The following LONP2 variants were observed in gnomAD, a reference collection of about 807,000 sequenced individuals.
The protein encoded by LONP2 is lon peptidase 2, peroxisomal.
LONP2 carries 60 observed loss-of-function variants against 85.6 expected under a neutral mutation model. The observed-to-expected ratio is 0.70, with a 90% CI of 0.57 to 0.87. The LOEUF (loss-of-function observed/expected upper bound fraction) is 0.87. Among genes scored for constraint, LONP2 ranks in the 40% least tolerant of loss-of-function variants. The pLI is 0.00. For synonymous variants in LONP2, 395 were observed against 389.7 expected (o/e 1.01, Z -0.16); for missense variants, 860 against 1,063.5 (o/e 0.81, Z 2.66).
chr16:48,288,466 A>G (rs529277635), intron 8 of LONP2, among the ~76,000 whole-genome samples: 1 of 152,202 alleles, frequency 6.6e-6, no homozygotes, highest in East Asian at 1.9e-4. Flanking sequence ...ATGTATTAGA[A>G]TGTATTTCTT....
At chr16:48,278,322 C>T (rs1470810890) in intron 8 of LONP2, among the ~76,000 whole-genome samples, 3 of 152,072 alleles carry the variant, frequency 2.0e-5, no homozygotes, top group Non-Finnish European at 4.4e-5. Flanking sequence ...TTTTGACATC[C>T]GGTTTTATGG....
At chr16:48,253,372 A>T (rs936221587) in intron 2 of LONP2, among the ~76,000 whole-genome samples, 1 of 151,922 alleles carries the variant, frequency 6.6e-6, no homozygotes, top group African/African-American at 2.4e-5. Flanking sequence ...GGGGAGGCTG[A>T]GGTGGGAGGA....
At chr16:48,244,663 C>G (rs980693453) in intron 1 of LONP2, 42 bp downstream of exon 1, 5 of 1,297,300 alleles carry the variant, frequency 3.9e-6, no homozygotes, top group Non-Finnish European at 4.9e-6. Flanking sequence ...GCGGCGCGGC[C>G]TCCTCCGGGG....
intron 11 of LONP2, among the ~76,000 whole-genome samples, chr16:48,326,723 C>A (rs1442048205): frequency 6.6e-6 from 1 of 152,110 alleles, no homozygotes; most frequent in Non-Finnish European, 1.5e-5. Context: ...CAGCAAGGAA[C>A]TTTTTTATTT....
chr16:48,319,356 T>A (rs1973214769), intron 11 of LONP2, among the ~76,000 whole-genome samples: 1 of 152,032 alleles, frequency 6.6e-6, no homozygotes. Context: ...CACTCTAGCC[T>A]GGATGACAGA....
At chr16:48,256,860 T>C in intron 3 of LONP2, 119 bp downstream of exon 3, 2 of 877,494 alleles carry the variant, frequency 2.3e-6, no homozygotes, top group Admixed American at 5.4e-5. Flanking sequence ...GTAATTGAAA[T>C]GCTTTTACAT....
At chr16:48,298,832 TA>T (rs1430679508) in intron 9 of LONP2, among the ~76,000 whole-genome samples, 1 of 152,178 alleles carries the variant, frequency 6.6e-6, no homozygotes, top group Non-Finnish European at 1.5e-5. Context: ...CTGTGCTTAG[TA>T]AATGCTTGTT....
chr16:48,273,311 G>C (rs1476063118), intron 7 of LONP2, among the ~76,000 whole-genome samples: 1 of 152,110 alleles, frequency 6.6e-6, no homozygotes, highest in Non-Finnish European at 1.5e-5. Flanking sequence ...CGATAAGTTG[G>C]GGATTGATTT....
intron 9 of LONP2, 55 bp downstream of exon 9, chr16:48,296,220 A>C (rs780507561): frequency 5.1e-6 from 8 of 1,561,492 alleles, no homozygotes; most frequent in Non-Finnish European, 7.0e-6. Flanking sequence ...CATAACTTTA[A>C]AATTAGTTAT....
chr16:48,351,498 A>G, intron 14 of LONP2, 83 bp from the exon 15 acceptor site: 1 of 1,063,678 alleles, frequency 9.4e-7, no homozygotes, highest in Non-Finnish European at 1.4e-6. Flanking sequence ...TAGTGGTTAA[A>G]TTCAGTGAAA....
intron 6 of LONP2, among the ~76,000 whole-genome samples, chr16:48,263,628 C>T (rs998759838): frequency 1.9e-4 from 29 of 152,084 alleles, no homozygotes; most frequent in Admixed American, 1.3e-4. Flanking sequence ...CAGTTATTTC[C>T]GTATCTTGGC....
chr16:48,360,140 G>A (rs1960523549), downstream of LONP2, among the ~76,000 whole-genome samples: 1 of 152,236 alleles, frequency 6.6e-6, no homozygotes, highest in Non-Finnish European at 1.5e-5. Context: ...GGAAACTGGG[G>A]CCCAAGGTCA....
chr16:48,358,408 T>A (rs1330861685), downstream of LONP2, among the ~76,000 whole-genome samples: 1 of 152,104 alleles, frequency 6.6e-6, no homozygotes, highest in Non-Finnish European at 1.5e-5. Context: ...TTACAGTGAA[T>A]CCTCAAACTA....
chr16:48,317,317 AT>A (rs921381711), intron 11 of LONP2, among the ~76,000 whole-genome samples: 2 of 152,190 alleles, frequency 1.3e-5, no homozygotes, highest in African/African-American at 4.8e-5. Context: ...GATTTTGCCA[AT>A]GAAGTCCCAG....
At chr16:48,324,418 C>T (rs1008271108) in intron 11 of LONP2, among the ~76,000 whole-genome samples, 2 of 152,214 alleles carry the variant, frequency 1.3e-5, no homozygotes, top group African/African-American at 4.8e-5. Context: ...TCCCCAGTAA[C>T]ACACTTCTTG....
In LONP2 at chr16:48,270,139, C is replaced by G. The variant is rs1205324637; in HGVS notation, c.1106C>G (p.Pro369Arg). 1 of 1,614,008 alleles carries G rather than the reference C, an allele frequency of 6.2e-7. No individual in the cohort carries two copies. Among genetic ancestry groups the G allele is most frequent in the Non-Finnish European group, 8.5e-7 (1 of 1,179,986 alleles). ...VRQLKNNLKG[P>R]ILCFVGPPGV... is the part of the protein sequence containing the mutation. Reference sequence around the variant, plus strand: ...CAGCTCAAAAATAACCTGAAGGGCCCAATCCTATGCTTTGTTGGCCCTCCT... The same window carrying G: ...CAGCTCAAAAATAACCTGAAGGGCCGAATCCTATGCTTTGTTGGCCCTCCT... Residue 369 changes from proline to arginine, a missense_variant, in exon 7 of 15, where the codon CCA (proline) becomes CGA (arginine). Pro to Arg is a moderately radical substitution (Grantham distance 103). This residue lies in a region of LONP2 where 743 missense variants were observed against 917.3 expected (regional missense o/e 0.81). Coordinates refer to ENST00000285737, the MANE Select transcript of LONP2 (RefSeq NM_031490.5).
intron 11 of LONP2, among the ~76,000 whole-genome samples, chr16:48,312,373 A>G (rs1411785439): frequency 1.3e-5 from 2 of 150,292 alleles, no homozygotes; most frequent in South Asian, 4.2e-4. Flanking sequence ...TTTTTTTTTC[A>G]TATTTCCAAT....
chr16:48,351,815 A>G lies in LONP2; in HGVS notation c.*13A>G, dbSNP rs1164745532. ...TAGCAAACTGTAGGTCCAAATCTCAATTTTTTAGAATTTTAAGTTATGAAG... is the reference window on the plus strand; with the variant it reads ...TAGCAAACTGTAGGTCCAAATCTCAGTTTTTTAGAATTTTAAGTTATGAAG... On this transcript the variant is annotated 3_prime_UTR_variant, in exon 15 of 15. Coordinates refer to ENST00000285737, the MANE Select transcript of LONP2 (RefSeq NM_031490.5). 6.2e-6 allele frequency: 10 copies of G among 1,605,422 alleles called. No homozygotes were observed. The highest frequency in any genetic ancestry group is 8.5e-6 in the Non-Finnish European group (10 of 1,172,966).
chr16:48,344,456 T>G (rs1959905252), intron 12 of LONP2: 1 of 152,184 alleles, frequency 6.6e-6, no homozygotes, highest in Non-Finnish European at 1.5e-5. Context: ...CAAGTCAGGA[T>G]AGTAATTGTG....
Sources: allele counts gnomAD v4.1 joint callset (sites outside exome capture counted in the v4.1 genomes callset), GRCh38; gene constraint gnomAD v4.1.1; regional missense constraint gnomAD v4.1.1; transcripts MANE v1.5; gene names NCBI Gene and HGNC (gene_info 2026-07-23, HGNC 2026-07-21).